The following CA8 variants were observed in gnomAD, a reference collection of about 807,000 sequenced individuals.
CA8 encodes carbonic anhydrase-related protein.
In CA8, 22 loss-of-function variants were observed where a neutral mutation model predicts 41.4. That is an observed-to-expected ratio of 0.53 (90% confidence interval 0.38 to 0.76). CA8 has a LOEUF of 0.76. CA8 is among the 30% of genes least tolerant of loss of function. CA8 has a pLI of 0.00. For synonymous variants in CA8, 121 were observed against 130.6 expected (o/e 0.93, Z 0.50); for missense variants, 270 against 352.8 (o/e 0.77, Z 1.88).
chr8:60,218,467 T>C (rs982367190), intron 7 of CA8, among the ~76,000 whole-genome samples: 2 of 152,154 alleles, frequency 1.3e-5, no homozygotes, highest in Admixed American at 6.5e-5. Context: ...AATGAATGCA[T>C]GCATTCCTTC....
At chr8:60,266,530 G>C (rs142968541) in intron 2 of CA8, among the ~76,000 whole-genome samples, 18 of 152,284 alleles carry the variant, frequency 1.2e-4, no homozygotes, top group Admixed American at 2.6e-4. Context: ...AATTATCCAT[G>C]AAGAGGATTG....
chr8:60,245,037 T>C (rs920418509), intron 3 of CA8, among the ~76,000 whole-genome samples: 1 of 152,192 alleles, frequency 6.6e-6, no homozygotes, highest in African/African-American at 2.4e-5. Context: ...ATTTTAATGA[T>C]GAAATAAGAT....
chr8:60,275,354 A>G (rs941364316), intron 2 of CA8, among the ~76,000 whole-genome samples: 1 of 152,196 alleles, frequency 6.6e-6, no homozygotes, highest in African/African-American at 2.4e-5. Flanking sequence ...ATATAAATAG[A>G]AAAAGAAACC....
chr8:60,251,915 G>A (rs1024958100), intron 3 of CA8, among the ~76,000 whole-genome samples: 1 of 152,126 alleles, frequency 6.6e-6, no homozygotes, highest in East Asian at 1.9e-4. Flanking sequence ...TATCAGTAAT[G>A]CCAGTAGGAC....
At chr8:60,275,707 G>C (rs1325173736) in intron 2 of CA8, among the ~76,000 whole-genome samples, 1 of 151,980 alleles carries the variant, frequency 6.6e-6, no homozygotes, top group African/African-American at 2.4e-5. Context: ...GTAAATAAAA[G>C]ACACAATTAT....
In CA8 at chr8:60,208,859, C is replaced by A. The variant is rs1238585674; in HGVS notation, c.799G>T (p.Asp267Tyr). The A allele has an allele frequency of 6.2e-7, 1 of 1,614,010 alleles. No individual in the cohort carries two copies. Among genetic ancestry groups the A allele is most frequent in the Non-Finnish European group, 8.5e-7 (1 of 1,180,014 alleles). Reference protein sequence around the residue: ...VKGAELVEGCDGILGDNFRPT... With the variant: ...VKGAELVEGCYGILGDNFRPT... ...CGAAAGTTGTCTCCCAAAATCCCAT[C>A]ACAGCCTTCCACAAGTTCTGCCCCC... Residue 267 changes from aspartate to tyrosine, a missense_variant, in exon 8 of 9, where the codon GAT becomes TAT. Around this residue, in one of 3 missense-constraint regions of CA8, gnomAD observed 141 missense variants for 191.6 expected, o/e 0.74. Coordinates refer to ENST00000317995, the MANE Select transcript of CA8 (RefSeq NM_004056.6).
chr8:60,197,443 T>C (rs935285990), intron 8 of CA8, among the ~76,000 whole-genome samples: 5 of 151,262 alleles, frequency 3.3e-5, no homozygotes, highest in African/African-American at 1.2e-4. Context: ...AAAAAAAAAA[T>C]GTTAAGCACT....
intron 8 of CA8, among the ~76,000 whole-genome samples, chr8:60,193,425 T>A (rs1478060287): frequency 6.6e-6 from 1 of 152,190 alleles, no homozygotes; most frequent in African/African-American, 2.4e-5. Context: ...GGCTCTCCTG[T>A]TTCGTGGATC....
chr8:60,252,285 A>G (rs1808481455), intron 3 of CA8, among the ~76,000 whole-genome samples: 1 of 150,378 alleles, frequency 6.6e-6, no homozygotes. Flanking sequence ...ATCAAGAAAA[A>G]GTCCCTCAAA....
chr8:60,225,076 A>C (rs1318502147), intron 5 of CA8, among the ~76,000 whole-genome samples: 1 of 152,018 alleles, frequency 6.6e-6, no homozygotes, highest in Non-Finnish European at 1.5e-5. Flanking sequence ...TCTATGCTAG[A>C]TGCTCTCCTC....
At position 60,246,588 on chromosome 8, in the gene CA8, G is replaced by C. The variant is rs541592934; in HGVS notation, c.418-14209C>G. 3.3e-5 allele frequency among the ~76,000 whole-genome samples: 5 copies of C among 152,190 alleles called. No homozygotes were observed. In the East Asian group the frequency reaches 9.7e-4, roughly 29 times the overall value. On this transcript the variant is annotated intron_variant, in intron 3 of 8. Coordinates refer to ENST00000317995, the MANE Select transcript of CA8 (RefSeq NM_004056.6). ...GCTGGGATTGCAGATGTGAGCCACT[G>C]TGCCCGGCCACACATTTGTGATAGA...
chr8:60,211,804 C>T (rs919330694), intron 7 of CA8, among the ~76,000 whole-genome samples: 3 of 152,176 alleles, frequency 2.0e-5, no homozygotes, highest in Non-Finnish European at 4.4e-5. Context: ...TTTTCTAAAG[C>T]AACCACCCCC....
intron 6 of CA8, among the ~76,000 whole-genome samples, chr8:60,223,071 T>C (rs1452724316): frequency 1.3e-5 from 2 of 152,238 alleles, no homozygotes; most frequent in East Asian, 3.8e-4. Context: ...AATTTACCTA[T>C]TTCATATCTA....
intron 8 of CA8, among the ~76,000 whole-genome samples, chr8:60,200,881 A>C (rs1402465207): frequency 2.0e-5 from 3 of 152,022 alleles, no homozygotes; most frequent in Non-Finnish European, 4.4e-5. Context: ...GTCTTTTATT[A>C]TTTTATATAT....
In CA8 at chr8:60,268,771, G is replaced by A. The variant is rs138707738; in HGVS notation, c.293-2722C>T. On this transcript the variant is annotated intron_variant, in intron 2 of 8. Coordinates refer to ENST00000317995, the MANE Select transcript of CA8 (RefSeq NM_004056.6). ...AGATCTTACATTCTATTATCCTGAA[G>A]TGTAAATTCATATATTTATCAAGAT... is the stretch of plus-strand genomic sequence containing the variant. 2.6e-5 allele frequency among the ~76,000 whole-genome samples: 4 copies of A among 152,132 alleles called. No individual in the cohort carries two copies. In the East Asian group the frequency reaches 7.7e-4, roughly 29 times the overall value.
Position 60,226,897 on chromosome 8 carries a change from T to C in CA8, c.552A>G (p.Glu184=), listed in dbSNP as rs921319813. 5 of 1,600,572 alleles carry C rather than the reference T, an allele frequency of 3.1e-6. No individual in the cohort carries two copies. The African/African-American group carries it at 6.7e-5, about 21-fold the overall frequency. ...CCTTATACTGAATATCTTGGAGGAT[T>C]TCAGTCACAGCCTTCAAGCCAACAT... is the stretch of plus-strand genomic sequence containing the variant. ...KEHVGLKAVT[E]ILQDIQYKGK... is the part of the protein sequence containing the mutation. Residue 184 remains glutamate, a synonymous_variant, in exon 5 of 9, where the codon GAA becomes GAG. Coordinates refer to ENST00000317995, the MANE Select transcript of CA8 (RefSeq NM_004056.6).
At chr8:60,193,004 TCCCATCAC>T (rs2130377084) in intron 8 of CA8, among the ~76,000 whole-genome samples, 1 of 147,876 alleles carries the variant, frequency 6.8e-6, no homozygotes, top group South Asian at 2.2e-4. Flanking sequence ...CTTCCCATCT[TCCCATCAC>T]CCCATCCTCC....
intron 3 of CA8, among the ~76,000 whole-genome samples, chr8:60,244,101 C>G (rs1327477391): frequency 6.6e-6 from 1 of 152,202 alleles, no homozygotes; most frequent in Non-Finnish European, 1.5e-5. Context: ...GTTCCCACCT[C>G]TGGTGATGGA....
At position 60,193,982 on chromosome 8, in the gene CA8, C is replaced by G. The variant is rs1806206526; in HGVS notation, c.*36-3997G>C. 2.0e-5 allele frequency among the ~76,000 whole-genome samples: 3 copies of G among 152,034 alleles called. No homozygotes were observed. In the South Asian group the frequency reaches 6.2e-4, roughly 32 times the overall value. Reference sequence around the variant, plus strand: ...CATTACTGTATTTTTCATCTTTTTGCCTTTTGCTGTAATTTCTGAGAATTT... The same window carrying G: ...CATTACTGTATTTTTCATCTTTTTGGCTTTTGCTGTAATTTCTGAGAATTT... On this transcript the variant is annotated intron_variant, in intron 8 of 8. Transcript: ENST00000317995.
Sources: gnomAD v4.1 joint callset for allele counts (sites outside exome capture counted in the v4.1 genomes callset) on GRCh38, gnomAD v4.1.1 for gene constraint, gnomAD v4.1.1 regional missense constraint, MANE v1.5 for transcripts, NCBI Gene and HGNC (gene_info 2026-07-23, HGNC 2026-07-21) for gene names.